Variants in PPP2R2D observed in about 807,000 individuals in gnomAD.
The protein encoded by PPP2R2D is serine/threonine-protein phosphatase 2A 55 kDa regulatory subunit B delta isoform.
In PPP2R2D, 9 loss-of-function variants were observed where a neutral mutation model predicts 31.1. The observed-to-expected ratio is 0.29, with a 90% CI of 0.17 to 0.51. The LOEUF (loss-of-function observed/expected upper bound fraction) is 0.51. PPP2R2D is among the 20% of genes least tolerant of loss of function. PPP2R2D has a pLI of 0.98. For missense variants in PPP2R2D, 391 were observed against 465.6 expected, an observed-to-expected ratio of 0.84 and a Z score of 1.48; for synonymous variants, 179 against 172.6, an observed-to-expected ratio of 1.04 and a Z score of -0.29.
At position 131,955,788 on chromosome 10, in the gene PPP2R2D, C is replaced by A; in HGVS notation, c.1187C>A (p.Ala396Asp). The change falls in exon 9 of 9, where the codon GCC becomes GAC. Residue 396 changes from alanine to aspartate, a missense_variant. Ala to Asp is a moderately radical substitution (Grantham distance 126). This residue lies in a region of PPP2R2D where 163 missense variants were observed against 179.5 expected (regional missense o/e 0.91). Transcript: ENST00000455566. Reference protein sequence around the residue: ...EASRESSKPRASLKPRKVCTG... With the variant: ...EASRESSKPRDSLKPRKVCTG... ...TCGAGAGAGAGCAGCAAACCGCGCG[C>A]CAGCCTCAAACCCCGGAAGGTGTGT... 2 of 1,595,688 alleles carry A rather than the reference C, an allele frequency of 1.3e-6. No individual in the cohort carries two copies. The highest frequency in any genetic ancestry group is 2.3e-5 in the South Asian group (2 of 88,778).
intron 2 of PPP2R2D, among the ~76,000 whole-genome samples, chr10:131,930,172 C>T (rs1443428259): frequency 6.6e-6 from 1 of 152,186 alleles, no homozygotes; most frequent in African/African-American, 2.4e-5. Flanking sequence ...TTTCCTAGGT[C>T]TAATGATTGC....
the PPP2R2D span, among the ~76,000 whole-genome samples, chr10:131,965,666 G>A: frequency 7.2e-5 from 11 of 152,192 alleles, no homozygotes; most frequent in South Asian, 1.2e-3. Flanking sequence ...GGCTGATCGC[G>A]AACTCCTGAG....
chr10:131,902,406 T>C (rs1455535258), intron 2 of PPP2R2D, among the ~76,000 whole-genome samples: 1 of 152,036 alleles, frequency 6.6e-6, no homozygotes, highest in African/African-American at 2.4e-5. Flanking sequence ...ACCCTGTACC[T>C]CTCCCTGGCA....
chr10:131,954,664 T>C (rs1452312341), intron 8 of PPP2R2D, among the ~76,000 whole-genome samples: 11 of 152,040 alleles, frequency 7.2e-5, no homozygotes, highest in African/African-American at 2.7e-4. Flanking sequence ...TTTGAAGTTT[T>C]AGACAAGGTC....
intron 8 of PPP2R2D, among the ~76,000 whole-genome samples, chr10:131,952,860 G>GTGTGT (rs1564826395): frequency 8.8e-5 from 4 of 45,688 alleles, no homozygotes; most frequent in Admixed American, 2.1e-4. Flanking sequence ...TGACTTGCGG[G>GTGTGT]GGGGGTCCCT....
chr10:131,914,768 C>A (rs1189083824), intron 2 of PPP2R2D, among the ~76,000 whole-genome samples: 2 of 152,134 alleles, frequency 1.3e-5, no homozygotes, highest in African/African-American at 4.8e-5. Context: ...AAGCAGATAT[C>A]CAGGGGTGAC....
intron 2 of PPP2R2D, among the ~76,000 whole-genome samples, chr10:131,915,920 T>G (rs1230537034): frequency 1.3e-5 from 2 of 152,212 alleles, no homozygotes; most frequent in African/African-American, 4.8e-5. Flanking sequence ...ATGGAGAGAA[T>G]GAGAAAGTTT....
At chr10:131,970,977 T>G in the PPP2R2D span, 2,106 of 1,612,126 alleles carry the variant, frequency 1.3e-3, 25 homozygotes, top group African/African-American at 0.025. This position sits in a 1 kb window ranked among gnomAD's most constrained non-coding sequence, Gnocchi z 4.1. Flanking sequence ...CAGACTAAGA[T>G]AAAGTCAATG....
At chr10:131,963,541 C>T (rs1398364218), downstream of PPP2R2D, among the ~76,000 whole-genome samples, 2 of 152,210 alleles carry the variant, frequency 1.3e-5, no homozygotes, top group Non-Finnish European at 2.9e-5. Flanking sequence ...GCTGTCCTCA[C>T]TGCGCGCGTC....
rs1228688276 is a variant in PPP2R2D, at chr10:131,959,462, CG to C, written c.*3501del. ...GGAGATGAAGGCGTGTGCTGATCCC[CG>C]GTCCCCCTGTGGAGATGAAGGTGTG... On this transcript the variant is annotated 3_prime_UTR_variant, in exon 9 of 9. Transcript: ENST00000455566. 6.5e-6 allele frequency: 1 copy of C among 153,910 alleles called. No individual in the cohort carries two copies. The highest frequency in any genetic ancestry group is 2.5e-5 in the African/African-American group (1 of 39,700). The allele number at this position is 153,910 out of a possible 1,614,324, so 9.5% of individuals were successfully genotyped here.
At chr10:131,944,798 T>C (rs1254085062) in intron 6 of PPP2R2D, among the ~76,000 whole-genome samples, 2 of 152,190 alleles carry the variant, frequency 1.3e-5, no homozygotes, top group Admixed American at 1.3e-4. Context: ...TTCTGCCCTT[T>C]CTTATTTTTT....
At chr10:131,943,745 C>T (rs2036483709) in intron 5 of PPP2R2D, among the ~76,000 whole-genome samples, 1 of 152,176 alleles carries the variant, frequency 6.6e-6, no homozygotes, top group African/African-American at 2.4e-5. Context: ...AGGAACATGT[C>T]GACCTCGGTA....
chr10:131,937,976 G>C (rs1589949870), intron 3 of PPP2R2D, among the ~76,000 whole-genome samples: 3 of 149,436 alleles, frequency 2.0e-5, no homozygotes, highest in Admixed American at 2.0e-4. Flanking sequence ...ATGCAGGAAT[G>C]CCCTGCCTGT....
At chr10:131,942,875 A>C (rs549320415) in intron 5 of PPP2R2D, among the ~76,000 whole-genome samples, 1 of 152,098 alleles carries the variant, frequency 6.6e-6, no homozygotes, top group South Asian at 2.1e-4. Flanking sequence ...TTCTTGCTCT[A>C]GAGAATCCAA....
intron 2 of PPP2R2D, among the ~76,000 whole-genome samples, chr10:131,903,703 G>A (rs1052003764): frequency 6.6e-5 from 10 of 152,108 alleles, no homozygotes; most frequent in Admixed American, 1.3e-4. Context: ...GTATGCTTTG[G>A]CCATAGTAAC....
intron 3 of PPP2R2D, among the ~76,000 whole-genome samples, chr10:131,936,705 T>C (rs377355751): frequency 6.6e-6 from 1 of 152,244 alleles, no homozygotes; most frequent in African/African-American, 2.4e-5. Context: ...TTGGGTATTA[T>C]AGAGTGTTAA....
chr10:131,920,399 A>G (rs1216970865), intron 2 of PPP2R2D, among the ~76,000 whole-genome samples: 1 of 136,144 alleles, frequency 7.3e-6, no homozygotes, highest in Non-Finnish European at 1.6e-5. Flanking sequence ...GTGGAGTGAC[A>G]CAGTGTAGGG....
intron 3 of PPP2R2D, among the ~76,000 whole-genome samples, chr10:131,938,110 C>T (rs1465143771): frequency 1.3e-5 from 2 of 152,184 alleles, no homozygotes; most frequent in Non-Finnish European, 2.9e-5. Flanking sequence ...AGGCGCTCAG[C>T]TTCTGCCCGT....
intron 2 of PPP2R2D, among the ~76,000 whole-genome samples, chr10:131,920,854 G>A (rs994136048): frequency 3.3e-5 from 5 of 152,186 alleles, no homozygotes; most frequent in Non-Finnish European, 4.4e-5. Flanking sequence ...ACTTGAACCC[G>A]GGAGGTGGAG....
Sources: gnomAD v4.1 joint callset for allele counts (sites outside exome capture counted in the v4.1 genomes callset) on GRCh38, gnomAD v4.1.1 for gene constraint, gnomAD v4.1.1 regional missense constraint, Gnocchi (gnomAD v3.1) non-coding constraint, MANE v1.5 for transcripts, NCBI Gene and HGNC (gene_info 2026-07-23, HGNC 2026-07-21) for gene names.